The following SNAPC1 variants were observed in gnomAD, a reference collection of about 807,000 sequenced individuals.
SNAPC1 encodes small nuclear RNA activating complex polypeptide 1, also known as snRNA-activating protein complex subunit 1.
Under a neutral mutation model 50.1 loss-of-function variants are expected in SNAPC1, and 42 were observed. That is an observed-to-expected ratio of 0.84 (90% CI 0.65 to 1.08). The LOEUF (loss-of-function observed/expected upper bound fraction) is 1.08. Among genes scored for constraint, SNAPC1 ranks in the 50% least tolerant of loss-of-function variants. The pLI is 0.00. For missense variants in SNAPC1, 477 were observed against 427.3 expected (o/e 1.12, Z -1.02); for synonymous variants, 164 against 144.2 (o/e 1.14, Z -0.98).
intron 8 of SNAPC1, among the ~76,000 whole-genome samples, chr14:61,784,611 AAC>A (rs1377528484): frequency 1.3e-5 from 2 of 152,228 alleles, no homozygotes; most frequent in Non-Finnish European, 2.9e-5. Flanking sequence ...AGATAATACC[AAC>A]ACACACTAGT....
chr14:61,781,207 T>C (rs1391389454), intron 7 of SNAPC1, among the ~76,000 whole-genome samples: 1 of 152,020 alleles, frequency 6.6e-6, no homozygotes, highest in Non-Finnish European at 1.5e-5. Context: ...CCCAGCACTT[T>C]GGGAGGCCGA....
At chr14:61,784,640 A>T (rs992268229) in intron 8 of SNAPC1, among the ~76,000 whole-genome samples, 1 of 152,238 alleles carries the variant, frequency 6.6e-6, no homozygotes, top group African/African-American at 2.4e-5. Context: ...GTAGTCCAGT[A>T]AAACTGTATA....
In SNAPC1 at chr14:61,776,542, T is replaced by C. The variant is rs548178258; in HGVS notation, c.693+289T>C. Among the ~76,000 whole-genome samples, 137 of 152,280 alleles carry C rather than the reference T, an allele frequency of 9.0e-4. 1 individual carries two copies. Among genetic ancestry groups the C allele is most frequent in the African/African-American group, 3.2e-3 (132 of 41,560 alleles). ...TTTATAATTTGGCATTTTTTAGGGG[T>C]TGCACACTCAGTCTTTGGGCTAAAT... On this transcript the variant is annotated intron_variant, in intron 5 of 9. Coordinates refer to ENST00000216294, the MANE Select transcript of SNAPC1 (RefSeq NM_003082.4).
At chr14:61,776,949 G>A (rs2045038978) in intron 5 of SNAPC1, among the ~76,000 whole-genome samples, 1 of 152,014 alleles carries the variant, frequency 6.6e-6, no homozygotes, top group African/African-American at 2.4e-5. Context: ...TTTTTACCCT[G>A]GAAACCTAAA....
At chr14:61,766,834 T>C (rs1301597648) in intron 1 of SNAPC1, 42 bp from the exon 2 acceptor site, 1 of 1,304,328 alleles carries the variant, frequency 7.7e-7, no homozygotes, top group Admixed American at 1.8e-5. Flanking sequence ...TCATTACTTA[T>C]TCACTTAATG....
intron 8 of SNAPC1, among the ~76,000 whole-genome samples, chr14:61,784,146 A>C (rs1355442518): frequency 1.3e-5 from 2 of 152,200 alleles, no homozygotes; most frequent in African/African-American, 2.4e-5. Context: ...TTCAGAGGAG[A>C]TACCATATTT....
At chr14:61,770,805 G>T (rs1455104708) in intron 4 of SNAPC1, among the ~76,000 whole-genome samples, 6 of 151,916 alleles carry the variant, frequency 3.9e-5, no homozygotes, top group Non-Finnish European at 7.4e-5. Context: ...CGCAATTTTG[G>T]CTCACTGCAA....
chr14:61,785,441 A>G (rs1225876673), intron 8 of SNAPC1, among the ~76,000 whole-genome samples: 3 of 152,206 alleles, frequency 2.0e-5, no homozygotes, highest in African/African-American at 4.8e-5. Flanking sequence ...CAAGTTTCCA[A>G]AACTGATGGA....
At chr14:61,790,443 C>A (rs973351913) in intron 8 of SNAPC1, among the ~76,000 whole-genome samples, 16 of 152,172 alleles carry the variant, frequency 1.1e-4, no homozygotes, top group African/African-American at 3.9e-4. Context: ...TCAAGCGATT[C>A]TTCTGCCTCA....
intron 1 of SNAPC1, among the ~76,000 whole-genome samples, chr14:61,762,981 CTTTTTTTTTT>C (rs145378546): frequency 2.1e-4 from 15 of 73,036 alleles, no homozygotes; most frequent in East Asian, 5.2e-4. Flanking sequence ...CCAAAGTTGT[CTTTTTTTTTT>C]TTTTTTTTTT....
At chr14:61,775,487 C>G (rs1181359830) in intron 4 of SNAPC1, among the ~76,000 whole-genome samples, 1 of 152,148 alleles carries the variant, frequency 6.6e-6, no homozygotes, top group Non-Finnish European at 1.5e-5. Context: ...AACTCCTGAT[C>G]TGGTGATTCT....
chr14:61,789,868 G>T (rs1382281652), intron 8 of SNAPC1, among the ~76,000 whole-genome samples: 1 of 152,180 alleles, frequency 6.6e-6, no homozygotes, highest in East Asian at 1.9e-4. Context: ...CAGTCTGGGA[G>T]TAGAATGGTA....
rs778042154 is a variant in SNAPC1 at position 61,776,143 on chromosome 14, T to C, written c.583T>C (p.Ser195Pro). 1 of 1,608,518 alleles carries C rather than the reference T, an allele frequency of 6.2e-7. No homozygotes were observed. The highest frequency in any genetic ancestry group is 1.1e-5 in the South Asian group (1 of 89,770). ...TTATCAGAACATGAAACATGTAATTTCAGTTGATAAGTCCAAGCCAGATAA... is the reference window on the plus strand; with the variant it reads ...TTATCAGAACATGAAACATGTAATTCCAGTTGATAAGTCCAAGCCAGATAA... ...DHYQNMKHVI[S>P]VDKSKPDKAL... The change falls in exon 5 of 10, where the codon TCA becomes CCA. Residue 195 changes from serine to proline, a missense_variant. Physicochemically the swap from Ser to Pro is moderately conservative, Grantham distance 74 (BLOSUM62 -1). Coordinates refer to ENST00000216294, the MANE Select transcript of SNAPC1 (RefSeq NM_003082.4).
At chr14:61,768,456 G>A (rs139618240) in intron 3 of SNAPC1, among the ~76,000 whole-genome samples, 180 bp from the exon 4 acceptor site, 1 of 152,230 alleles carries the variant, frequency 6.6e-6, no homozygotes, top group East Asian at 1.9e-4. Context: ...GCATGTGAGA[G>A]GATACTTCAC....
At position 61,766,792 on chromosome 14, in the gene SNAPC1, C is replaced by T. The variant is rs143102386; in HGVS notation, c.129-84C>T. ...GGAATCCTCATCAAATTATAACTAC[C>T]GTTTAAACAAGTATATACTTTTGGC... On this transcript the variant is annotated intron_variant, in intron 1 of 9. Transcript: ENST00000216294. The T allele has an allele frequency of 1.2e-3, 795 of 678,534 alleles. 6 individuals are homozygous for T. The African/African-American group carries it at 0.012, about 10-fold the overall frequency. The allele number at this position is 678,534 out of a possible 1,614,324, so 42.0% of individuals were successfully genotyped here.
chr14:61,767,296 AT>A lies in SNAPC1; in HGVS notation c.378del (p.Phe126LeufsTer6). The stretch of plus-strand genomic sequence containing the variant: ...TGCACAGCATTTTGATGCAGCTTAT[AT>A]TTTTAGGAAGCTACGACTAGACAGA... ...VNAQHFDAAY[I>X]FRKLRLDRAF... On this transcript the variant is annotated frameshift_variant, in exon 3 of 10. Coordinates refer to ENST00000216294, the MANE Select transcript of SNAPC1 (RefSeq NM_003082.4). LOFTEE classifies it high-confidence loss of function. The A allele has an allele frequency of 6.5e-7, 1 of 1,528,098 alleles. No individual in the cohort carries two copies. 94.7% of individuals were successfully genotyped at this position (1,528,098 alleles called of 1,614,324 possible).
Position 61,776,244 on chromosome 14 carries a change from A to G in SNAPC1, c.684A>G (p.Lys228=), listed in dbSNP as rs1049213640. The change falls in exon 5 of 10, where the codon AAA becomes AAG. Residue 228 remains lysine (K), a synonymous_variant. Coordinates refer to ENST00000216294, the MANE Select transcript of SNAPC1 (RefSeq NM_003082.4). ...TTTTGGAGCATCAGCAGTGGCACAAAGACAGAAAGGTATGCAATCACTTGT... is the reference window on the plus strand; with the variant it reads ...TTTTGGAGCATCAGCAGTGGCACAAGGACAGAAAGGTATGCAATCACTTGT... ...NIVLEHQQWH[K]DRKNPSLKSK... is the part of the protein sequence containing the mutation. The G allele has an allele frequency of 1.9e-6, 3 of 1,611,606 alleles. No individual in the cohort carries two copies. Among genetic ancestry groups the G allele is most frequent in the African/African-American group, 1.3e-5 (1 of 74,810 alleles).
At chr14:61,780,637 C>T (rs2045064988) in intron 7 of SNAPC1, among the ~76,000 whole-genome samples, 1 of 152,130 alleles carries the variant, frequency 6.6e-6, no homozygotes, top group South Asian at 2.1e-4. Flanking sequence ...GTAGGGTTGT[C>T]TGTTTACTCT....
rs143897625 is a variant in SNAPC1 at position 61,771,794 on chromosome 14, A to G, written c.534+3054A>G. ...AGCAGAAGGCATACTTTTTCCTTTG[A>G]AACTTGAGGAAAGAAGGTGAGAATG... On this transcript the variant is annotated intron_variant, in intron 4 of 9. Coordinates refer to ENST00000216294, the MANE Select transcript of SNAPC1 (RefSeq NM_003082.4). 3.9e-5 allele frequency among the ~76,000 whole-genome samples: 6 copies of G among 152,266 alleles called. No individual in the cohort carries two copies. In the East Asian group the frequency reaches 1.2e-3, roughly 29 times the overall value.
Sources: allele counts gnomAD v4.1 joint callset (sites outside exome capture counted in the v4.1 genomes callset), GRCh38; gene constraint gnomAD v4.1.1; transcripts MANE v1.5; gene names NCBI Gene and HGNC (gene_info 2026-07-23, HGNC 2026-07-21).